CNTNAP5: variants seen among roughly 807,000 people sequenced by gnomAD.
CNTNAP5 encodes the protein contactin associated protein family member 5.
In CNTNAP5, 72 loss-of-function variants were observed where a neutral mutation model predicts 150.2. The ratio of observed to expected loss-of-function variants is 0.48; its 90% CI spans 0.40 to 0.58. The LOEUF is 0.58. CNTNAP5 is among the 20% of genes least tolerant of loss of function. CNTNAP5 has a pLI of 0.00. For synonymous variants in CNTNAP5, 672 were observed against 619.8 expected, an observed-to-expected ratio of 1.08 and a Z score of -1.25; for missense variants, 1,636 against 1,626.2, an observed-to-expected ratio of 1.01 and a Z score of -0.10.
At chr2:124,331,423 G>C (rs1689346799) in intron 3 of CNTNAP5, among the ~76,000 whole-genome samples, 1 of 151,918 alleles carries the variant, frequency 6.6e-6, no homozygotes. Flanking sequence ...ACTCAAAAGA[G>C]GTCAAACCTA....
chr2:124,242,756 T>C (rs982119175), intron 3 of CNTNAP5, among the ~76,000 whole-genome samples: 1 of 152,200 alleles, frequency 6.6e-6, no homozygotes, highest in Admixed American at 6.5e-5. Flanking sequence ...CTTATTAGTT[T>C]ATTATATGCC....
chr2:124,848,653 C>T (rs1416622473), intron 19 of CNTNAP5, among the ~76,000 whole-genome samples: 1 of 152,136 alleles, frequency 6.6e-6, no homozygotes, highest in African/African-American at 2.4e-5. Context: ...CACACCCTTG[C>T]CAACACTTGC....
intron 11 of CNTNAP5, among the ~76,000 whole-genome samples, chr2:124,590,850 A>G (rs893670368): frequency 1.3e-5 from 2 of 152,204 alleles, no homozygotes; most frequent in African/African-American, 4.8e-5. Context: ...TGACCTTGAT[A>G]CTTGAAAAGG....
intron 1 of CNTNAP5, among the ~76,000 whole-genome samples, chr2:124,107,667 T>C (rs1683198488): frequency 6.6e-6 from 1 of 152,214 alleles, no homozygotes; most frequent in African/African-American, 2.4e-5. Context: ...TCAAGTAGAC[T>C]GTATGTTCTT....
At position 124,362,562 on chromosome 2, in the gene CNTNAP5, T is replaced by G. The variant is rs184330505; in HGVS notation, c.382-54881T>G. Among the ~76,000 whole-genome samples, 428 of 152,366 alleles carry G rather than the reference T, an allele frequency of 2.8e-3. 1 individual carries two copies. The highest frequency in any genetic ancestry group is 6.8e-3 in the Middle Eastern group (2 of 294). On this transcript the variant is annotated intron_variant, in intron 3 of 23. Transcript: ENST00000682447. ...ACCTCAGTAACTTCGAGCATGTCTT[T>G]CAGCTTCTCTATCATGGATGTCAGT... is the stretch of plus-strand genomic sequence containing the variant.
chr2:124,168,745 A>G, intron 1 of CNTNAP5, among the ~76,000 whole-genome samples: 1 of 152,198 alleles, frequency 6.6e-6, no homozygotes, highest in South Asian at 2.1e-4. Context: ...TATAGAGTAA[A>G]AAAAATAAAA....
chr2:124,540,979 T>C (rs1695368020), intron 10 of CNTNAP5, among the ~76,000 whole-genome samples: 1 of 152,042 alleles, frequency 6.6e-6, no homozygotes. Flanking sequence ...GATGTGGACA[T>C]TGTTATCTTC....
At chr2:124,452,580 C>T (rs1490613551) in intron 6 of CNTNAP5, among the ~76,000 whole-genome samples, 1 of 152,154 alleles carries the variant, frequency 6.6e-6, no homozygotes, top group African/African-American at 2.4e-5. Flanking sequence ...TGGGAGAAGG[C>T]CAACCAGAAC....
At chr2:124,688,048 T>C (rs1301922775) in intron 13 of CNTNAP5, among the ~76,000 whole-genome samples, 1 of 152,088 alleles carries the variant, frequency 6.6e-6, no homozygotes, top group Admixed American at 6.6e-5. Flanking sequence ...GACCTTGCTT[T>C]ATTTCCTTGT....
At chr2:124,374,970 C>T (rs1690610749) in intron 3 of CNTNAP5, among the ~76,000 whole-genome samples, 1 of 152,012 alleles carries the variant, frequency 6.6e-6, no homozygotes, top group African/African-American at 2.4e-5. Context: ...CAAATTATAA[C>T]TCATAAATTA....
rs114129158 is a variant in CNTNAP5 at position 124,221,441 on chromosome 2, G to A, written c.83-264G>A. On this transcript the variant is annotated intron_variant, in intron 1 of 23. Transcript: ENST00000682447. The stretch of plus-strand genomic sequence containing the variant: ...AAATCTAGGTGACAATTCTGGCTGC[G>A]CTATTTTCTAGCATTGAGACCTTGG... Among the ~76,000 whole-genome samples the A allele has an allele frequency of 3.8e-3, 577 of 152,158 alleles. 5 individuals are homozygous for A. The highest frequency in any genetic ancestry group is 0.013 in the African/African-American group (557 of 41,546).
chr2:124,352,116 C>G (rs62171015), intron 3 of CNTNAP5, among the ~76,000 whole-genome samples: 12 of 151,792 alleles, frequency 7.9e-5, no homozygotes, highest in Non-Finnish European at 1.5e-4. Context: ...GGTACACAAA[C>G]AGGACAGGCA....
chr2:124,920,101 A>C lies in CNTNAP5; in HGVS notation c.*5813A>C, dbSNP rs941602563. ...TTTTTTCTCAGTCCTTCCAGTTGAC[A>C]CAAGGAAACCCTTTATAAAATAGGA... On this transcript the variant is annotated 3_prime_UTR_variant, in exon 24 of 24. Coordinates refer to ENST00000682447, the MANE Select transcript of CNTNAP5 (RefSeq NM_001367498.1). Among the ~76,000 whole-genome samples the C allele has an allele frequency of 6.6e-6, 1 of 152,124 alleles. No homozygotes were observed. The highest frequency in any genetic ancestry group is 2.4e-5 in the African/African-American group (1 of 41,438).
intron 13 of CNTNAP5, among the ~76,000 whole-genome samples, chr2:124,710,635 C>A (rs750713842): frequency 6.6e-6 from 1 of 152,108 alleles, no homozygotes; most frequent in Non-Finnish European, 1.5e-5. Flanking sequence ...CTTTCCTGGA[C>A]ATTTTGCAGC....
intron 1 of CNTNAP5, among the ~76,000 whole-genome samples, chr2:124,111,476 A>G (rs1683298686): frequency 1.3e-5 from 2 of 152,190 alleles, no homozygotes; most frequent in Admixed American, 1.3e-4. Context: ...ACACTGATGC[A>G]TATGAGCCTG....
intron 1 of CNTNAP5, among the ~76,000 whole-genome samples, chr2:124,043,667 C>A (rs1370909629): frequency 6.6e-6 from 1 of 151,908 alleles, no homozygotes; most frequent in Non-Finnish European, 1.5e-5. Flanking sequence ...GCTTACCAAC[C>A]TGTGTGGGCT....
chr2:124,591,944 A>AT (rs1696693363), intron 11 of CNTNAP5, among the ~76,000 whole-genome samples: 1 of 152,156 alleles, frequency 6.6e-6, no homozygotes, highest in African/African-American at 2.4e-5. Context: ...AAATAAGTTC[A>AT]TACCCCCATT....
At chr2:124,404,113 A>G (rs1691505450) in intron 3 of CNTNAP5, among the ~76,000 whole-genome samples, 1 of 152,146 alleles carries the variant, frequency 6.6e-6, no homozygotes, top group Admixed American at 6.5e-5. Flanking sequence ...CCCAAAGTTC[A>G]TCTCTTTTCT....
chr2:124,176,842 GTTTTTTT>G (rs71394026), intron 1 of CNTNAP5, among the ~76,000 whole-genome samples: 2 of 119,892 alleles, frequency 1.7e-5, no homozygotes, highest in Admixed American at 8.9e-5. Flanking sequence ...GTTATTGCTG[GTTTTTTT>G]TTTTTTTTTT....
Sources: gnomAD v4.1 joint callset for allele counts (sites outside exome capture counted in the v4.1 genomes callset) on GRCh38, gnomAD v4.1.1 for gene constraint, MANE v1.5 for transcripts, NCBI Gene and HGNC (gene_info 2026-07-23, HGNC 2026-07-21) for gene names.